Variants in GSN observed in about 807,000 individuals in gnomAD.
GSN encodes gelsolin, also known as actin-depolymerizing factor.
Under a neutral mutation model 85.7 loss-of-function variants are expected in GSN, and 56 were observed. The ratio of observed to expected loss-of-function variants is 0.65; its 90% CI spans 0.53 to 0.82. The LOEUF (loss-of-function observed/expected upper bound fraction) is 0.82, where lower values mean the gene tolerates loss of function less well. Among genes scored for constraint, GSN ranks in the 40% least tolerant of loss-of-function variants. The probability of loss-of-function intolerance (pLI) is 0.00; values close to 1 mark genes in which losing one functional copy is unlikely to be tolerated. For missense variants in GSN, 857 were observed against 979.8 expected, an observed-to-expected ratio of 0.87 and a Z score of 1.67; for synonymous variants, 373 against 399.1, an observed-to-expected ratio of 0.93 and a Z score of 0.78.
chr9:121,295,088 C>A (rs1401577757), intron 2 of GSN, among the ~76,000 whole-genome samples: 1 of 152,174 alleles, frequency 6.6e-6, no homozygotes, highest in Non-Finnish European at 1.5e-5. Context: ...CGAAGGCAGG[C>A]GTCTGTGCAG....
intron 5 of GSN, among the ~76,000 whole-genome samples, chr9:121,237,200 T>C (rs2054512353): frequency 6.6e-6 from 1 of 152,130 alleles, no homozygotes; most frequent in South Asian, 2.1e-4. Flanking sequence ...GCATATGTAA[T>C]AAACAGGAAA....
At chr9:121,277,284 G>A (rs2056798495) in intron 1 of GSN, among the ~76,000 whole-genome samples, 1 of 152,224 alleles carries the variant, frequency 6.6e-6, no homozygotes, top group Admixed American at 6.5e-5. Flanking sequence ...TTTATGAACT[G>A]TGTTTCAGCT....
intron 6 of GSN, among the ~76,000 whole-genome samples, chr9:121,249,235 G>T (rs1000156170): frequency 1.3e-5 from 2 of 151,978 alleles, no homozygotes; most frequent in Non-Finnish European, 2.9e-5. Context: ...GAGGCGAGTG[G>T]ATCACCTGAC....
intron 4 of GSN, among the ~76,000 whole-genome samples, chr9:121,221,082 C>T (rs1164014649): frequency 2.6e-5 from 4 of 152,190 alleles, no homozygotes; most frequent in African/African-American, 7.2e-5. Flanking sequence ...TCTTCAGCGC[C>T]GAGGGGCCGC....
chr9:121,236,171 C>CT (rs1045705341), intron 5 of GSN, among the ~76,000 whole-genome samples: 1 of 151,926 alleles, frequency 6.6e-6, no homozygotes, highest in African/African-American at 2.4e-5. Context: ...CTAATTCTCT[C>CT]TTTTTTTTCT....
At chr9:121,278,776 A>G (rs1420870900) in intron 1 of GSN, among the ~76,000 whole-genome samples, 2 of 152,258 alleles carry the variant, frequency 1.3e-5, no homozygotes, top group Non-Finnish European at 2.9e-5. Flanking sequence ...CTTAAGGTCC[A>G]AAATGGAAAA....
intron 7 of GSN, 62 bp downstream of exon 7, chr9:121,314,085 GT>G: frequency 1.5e-6 from 2 of 1,304,738 alleles, no homozygotes. Flanking sequence ...GGAAGACTTG[GT>G]CTTCCCCACT....
rs991483401 is a variant in GSN at position 121,300,077 on chromosome 9, G to C, written c.-9-1886G>C. On this transcript the variant is annotated intron_variant, in intron 2 of 17. Coordinates refer to ENST00000432226, the MANE Select transcript of GSN (RefSeq NM_198252.3). Reference sequence around the variant, plus strand: ...TAAGTTCTTGCAGATACAGCGCTAGGAAAAGGGGAGTAATTCAGGTCTAGA... The same window carrying C: ...TAAGTTCTTGCAGATACAGCGCTAGCAAAAGGGGAGTAATTCAGGTCTAGA... The C allele has an allele frequency of 3.1e-6, 5 of 1,611,324 alleles. No homozygotes were observed. The African/African-American group carries it at 6.7e-5, about 22-fold the overall frequency.
intron 2 of GSN, among the ~76,000 whole-genome samples, chr9:121,286,962 A>G (rs903586372): frequency 3.3e-5 from 5 of 152,172 alleles, no homozygotes; most frequent in Non-Finnish European, 7.4e-5. Context: ...TATCATCACA[A>G]TGGGCTTCTA....
intron 7 of GSN, 78 bp downstream of exon 7, chr9:121,314,101 T>A: frequency 8.9e-7 from 1 of 1,124,184 alleles, no homozygotes; most frequent in Non-Finnish European, 1.4e-6. Context: ...CCCACTCCAC[T>A]GCTATGGGAC....
chr9:121,205,456 A>G (rs371507805), upstream of GSN, among the ~76,000 whole-genome samples: 1 of 152,184 alleles, frequency 6.6e-6, no homozygotes, highest in Admixed American at 6.5e-5. Context: ...GCTCTGCCCT[A>G]TTGCTTCCTG....
chr9:121,260,863 G>T (rs755283551), intron 6 of GSN, among the ~76,000 whole-genome samples: 1 of 152,222 alleles, frequency 6.6e-6, no homozygotes, highest in Non-Finnish European at 1.5e-5. Flanking sequence ...AGGGAGAAGG[G>T]AATGTAAGAA....
upstream of GSN, among the ~76,000 whole-genome samples, chr9:121,267,861 G>T (rs1269435975): frequency 1.3e-5 from 2 of 152,180 alleles, no homozygotes; most frequent in Non-Finnish European, 2.9e-5. Flanking sequence ...CCCCAGCCCA[G>T]CTCAGGAGCT....
intron 5 of GSN, among the ~76,000 whole-genome samples, chr9:121,246,316 C>G (rs142682307): frequency 6.6e-6 from 1 of 152,128 alleles, no homozygotes; most frequent in African/African-American, 2.4e-5. Flanking sequence ...ATGCTATGCT[C>G]AGAGCTGCTG....
chr9:121,227,487 G>A (rs1007423187), intron 4 of GSN, among the ~76,000 whole-genome samples: 2 of 152,146 alleles, frequency 1.3e-5, no homozygotes, highest in Admixed American at 6.5e-5. Flanking sequence ...CCAAGTAGGT[G>A]GTAGTGGGAG....
intron 4 of GSN, among the ~76,000 whole-genome samples, chr9:121,218,835 C>A (rs2054116215): frequency 6.6e-6 from 1 of 152,186 alleles, no homozygotes; most frequent in Non-Finnish European, 1.5e-5. Context: ...CATGAGGACC[C>A]TTCCTTCATG....
intron 6 of GSN, among the ~76,000 whole-genome samples, chr9:121,262,802 A>T (rs952831656): frequency 1.3e-5 from 2 of 152,244 alleles, no homozygotes; most frequent in Admixed American, 6.5e-5. Context: ...CATTCAGAAC[A>T]TGTCTAGAAT....
intron 6 of GSN, among the ~76,000 whole-genome samples, chr9:121,255,958 A>G (rs768492782): frequency 9.2e-5 from 14 of 152,154 alleles, no homozygotes; most frequent in African/African-American, 1.7e-4. Flanking sequence ...AGTGCTTTAC[A>G]TGATTTCCAG....
At chr9:121,207,921 A>ATTGTGTGTGTGTG (rs1491462318) in intron 1 of GSN, 1 of 59,266 alleles carries the variant, frequency 1.7e-5, no homozygotes, top group Non-Finnish European at 3.9e-5. Context: ...CATCTGGCTA[A>ATTGTGTGTGTGTG]TATGTGTGTG....
Sources: allele counts gnomAD v4.1 joint callset (sites outside exome capture counted in the v4.1 genomes callset), GRCh38; gene constraint gnomAD v4.1.1; transcripts MANE v1.5; gene names NCBI Gene and HGNC (gene_info 2026-07-23, HGNC 2026-07-21).